SDAD1: variants seen among roughly 807,000 people sequenced by gnomAD.
SDAD1 encodes the protein SDA1 domain containing 1.
Under a neutral mutation model 100.3 loss-of-function variants are expected in SDAD1, and 79 were observed. The ratio of observed to expected loss-of-function variants is 0.79; its 90% CI spans 0.66 to 0.95. The LOEUF (loss-of-function observed/expected upper bound fraction) is 0.95. SDAD1 is among the 40% of genes least tolerant of loss of function. SDAD1 has a pLI of 0.00. For synonymous variants in SDAD1, 267 were observed against 271.4 expected (o/e 0.98, Z 0.16); for missense variants, 790 against 810.9 (o/e 0.97, Z 0.31).
intron 20 of SDAD1, among the ~76,000 whole-genome samples, chr4:75,957,110 A>AAAAC (rs887141929): frequency 8.5e-5 from 13 of 152,218 alleles, no homozygotes; most frequent in Non-Finnish European, 8.8e-5. Context: ...ACTGTCGCAA[A>AAAAC]AAACAAACAA....
chr4:75,970,484 G>A (rs1729808079), intron 9 of SDAD1, 106 bp from the exon 10 acceptor site: 12 of 751,128 alleles, frequency 1.6e-5, no homozygotes, highest in South Asian at 2.5e-5. Context: ...TCTTTAAAAA[G>A]AAAAAAAACT....
intron 16 of SDAD1, 42 bp from the exon 17 acceptor site, chr4:75,960,234 T>C (rs1333120328): frequency 2.7e-6 from 4 of 1,498,412 alleles, no homozygotes; most frequent in Admixed American, 2.3e-5. Context: ...GCTTAGATCA[T>C]AAAACCTTAA....
intron 16 of SDAD1, 33 bp from the exon 17 acceptor site, chr4:75,960,225 C>CTAA: frequency 6.5e-7 from 1 of 1,532,444 alleles, no homozygotes; most frequent in Non-Finnish European, 8.8e-7. Flanking sequence ...TAATAAGTTG[C>CTAA]TTAGATCATA....
intron 15 of SDAD1, 32 bp from the exon 16 acceptor site, chr4:75,961,136 G>A: frequency 6.2e-7 from 1 of 1,609,476 alleles, no homozygotes. Flanking sequence ...TAGAAATTCT[G>A]GCCCATAGAG....
chr4:75,970,492 A>C (rs1729808429), intron 9 of SDAD1, 114 bp from the exon 10 acceptor site: 2 of 720,748 alleles, frequency 2.8e-6, no homozygotes, highest in Non-Finnish European at 4.3e-6. Context: ...AAGAAAAAAA[A>C]CTTTGTTCTA....
At chr4:75,965,194 T>A (rs920134091) in intron 13 of SDAD1, among the ~76,000 whole-genome samples, 1 of 152,136 alleles carries the variant, frequency 6.6e-6, no homozygotes, top group African/African-American at 2.4e-5. Context: ...TCTAGGGACA[T>A]CTGTCTTTTA....
chr4:75,962,593 A>G (rs900393169), intron 14 of SDAD1, among the ~76,000 whole-genome samples: 1 of 152,210 alleles, frequency 6.6e-6, no homozygotes, highest in Non-Finnish European at 1.5e-5. Context: ...TCGCCATTCT[A>G]ACTGGTATGA....
intron 17 of SDAD1, among the ~76,000 whole-genome samples, chr4:75,959,113 A>C (rs1407794259): frequency 1.0e-4 from 15 of 149,198 alleles, no homozygotes; most frequent in African/African-American, 3.2e-4. Context: ...AAAAAAAAAA[A>C]AAAAAAAAAA....
intron 8 of SDAD1, among the ~76,000 whole-genome samples, chr4:75,972,938 A>G (rs1289064762): frequency 6.6e-6 from 1 of 151,880 alleles, no homozygotes; most frequent in African/African-American, 2.4e-5. Flanking sequence ...GGAGAACGGC[A>G]TGAACCCGGG....
intron 1 of SDAD1, among the ~76,000 whole-genome samples, chr4:75,987,564 C>T (rs1002506278): frequency 9.9e-5 from 15 of 152,068 alleles, no homozygotes; most frequent in South Asian, 2.1e-4. Flanking sequence ...TGCAGTGGCG[C>T]GATCTCGGCT....
At chr4:75,962,643 T>C (rs1729311344) in intron 14 of SDAD1, among the ~76,000 whole-genome samples, 1 of 152,254 alleles carries the variant, frequency 6.6e-6, no homozygotes, top group African/African-American at 2.4e-5. Context: ...ATTTCTCTGA[T>C]GGCCAGTGAT....
At chr4:75,977,559 C>A (rs896143898) in intron 4 of SDAD1, 87 bp downstream of exon 4, 1 of 841,614 alleles carries the variant, frequency 1.2e-6, no homozygotes, top group Non-Finnish European at 2.0e-6. Flanking sequence ...TTATTATTAA[C>A]AATGTAAAGC....
At chr4:75,964,617 T>G (rs1729435900) in intron 13 of SDAD1, among the ~76,000 whole-genome samples, 1 of 151,854 alleles carries the variant, frequency 6.6e-6, no homozygotes. Flanking sequence ...AAGAAAACGG[T>G]GAGGGAAGGG....
intron 1 of SDAD1, among the ~76,000 whole-genome samples, chr4:75,982,672 C>A (rs1045366569): frequency 5.3e-5 from 8 of 151,848 alleles, no homozygotes; most frequent in African/African-American, 1.9e-4. Context: ...AAATAAATGA[C>A]CCCTACTACC....
intron 1 of SDAD1, among the ~76,000 whole-genome samples, chr4:75,989,470 C>T (rs760030005): frequency 1.1e-4 from 17 of 152,168 alleles, no homozygotes; most frequent in Non-Finnish European, 1.6e-4. Context: ...TGTACCCCAA[C>T]GCCTACCTAG....
At chr4:75,959,915 A>G (rs1433932086) in intron 17 of SDAD1, 151 bp downstream of exon 17, 3 of 751,478 alleles carry the variant, frequency 4.0e-6, no homozygotes, top group Non-Finnish European at 5.8e-6. Context: ...ACCATGCTCA[A>G]TTGATCCCCC....
chr4:75,954,577 G>T (rs1299251138), intron 21 of SDAD1, among the ~76,000 whole-genome samples: 1 of 152,184 alleles, frequency 6.6e-6, no homozygotes, highest in Non-Finnish European at 1.5e-5. Context: ...GAGGGCTGAG[G>T]TGGGAGGATC....
At chr4:75,973,127 T>C (rs1265407442) in intron 8 of SDAD1, among the ~76,000 whole-genome samples, 190 bp downstream of exon 8, 1 of 152,224 alleles carries the variant, frequency 6.6e-6, no homozygotes, top group Non-Finnish European at 1.5e-5. Context: ...TTATTAATTA[T>C]ATAACCAAGA....
Position 75,965,689 on chromosome 4 carries a change from G to A in SDAD1, c.1104+75C>T, listed in dbSNP as rs373940256. 5.3e-4 allele frequency: 647 copies of A among 1,229,624 alleles called. 6 individuals carry two copies. The South Asian group carries it at 7.2e-3, about 14-fold the overall frequency. The allele number at this position is 1,229,624 out of a possible 1,614,324, so 76.2% of individuals were successfully genotyped here. On this transcript the variant is annotated intron_variant, in intron 13 of 21. Transcript: ENST00000356260. Reference sequence around the variant, plus strand: ...TGAATTATCGGGGGCAGGTTCCCCCGATAGACCCTGAAGTACCTAACAGTA... The same window carrying A: ...TGAATTATCGGGGGCAGGTTCCCCCAATAGACCCTGAAGTACCTAACAGTA...
Sources: allele counts gnomAD v4.1 joint callset (sites outside exome capture counted in the v4.1 genomes callset), GRCh38; gene constraint gnomAD v4.1.1; transcripts MANE v1.5; gene names NCBI Gene and HGNC (gene_info 2026-07-23, HGNC 2026-07-21).